The following VEGFD variants were observed in gnomAD, a reference collection of about 807,000 sequenced individuals.
VEGFD encodes the protein c-fos induced growth factor (vascular endothelial growth factor D).
In VEGFD, 26 loss-of-function variants were observed where a neutral mutation model predicts 28.0. The ratio of observed to expected loss-of-function variants is 0.93; its 90% confidence interval spans 0.68 to 1.29. The LOEUF (loss-of-function observed/expected upper bound fraction) is 1.29. Ranked by LOEUF, VEGFD falls within the 50% of genes most tolerant of loss-of-function variation. The pLI is 0.00. For missense variants in VEGFD, 294 were observed against 273.4 expected (o/e 1.08, Z -0.53); for synonymous variants, 93 against 95.5 (o/e 0.97, Z 0.15).
chrX:15,377,069 A>G (rs1019391495), intron 1 of VEGFD, among the ~76,000 whole-genome samples: 1 of 112,435 alleles, frequency 8.9e-6, no homozygotes, highest in African/African-American at 3.2e-5. Flanking sequence ...ATAAAAATTT[A>G]CATTACTAAA....
At chrX:15,364,100 A>G (rs1052124896) in intron 1 of VEGFD, among the ~76,000 whole-genome samples, 26 of 111,979 alleles carry the variant, frequency 2.3e-4, no homozygotes, top group Admixed American at 1.9e-3. Context: ...TGAGAAATTG[A>G]TCCACAAAGG....
intron 1 of VEGFD, among the ~76,000 whole-genome samples, chrX:15,373,773 T>C (rs980116385): frequency 1.8e-5 from 2 of 111,571 alleles, no homozygotes; most frequent in Non-Finnish European, 3.8e-5. Context: ...TCCCTCTACC[T>C]CTTAGCAGCT....
chrX:15,351,351 C>T (rs1922722254), intron 5 of VEGFD, among the ~76,000 whole-genome samples: 1 of 106,721 alleles, frequency 9.4e-6, no homozygotes, highest in African/African-American at 3.4e-5. Context: ...AATCTCCTGA[C>T]CTCGTGATCC....
In VEGFD at chrX:15,355,225, C is replaced by A; in HGVS notation, c.566G>T (p.Cys189Phe). The A allele has an allele frequency of 8.3e-7, 1 of 1,205,934 alleles. No individual in the cohort carries two copies. Among genetic ancestry groups the A allele is most frequent in the Non-Finnish European group, 1.1e-6 (1 of 892,823 alleles). The change falls in exon 4 of 7, where the codon TGT becomes TTT. Residue 189 changes from cysteine (C) to phenylalanine (F), a missense_variant. By Grantham distance (205) the Cys-to-Phe change is radical. Coordinates refer to ENST00000297904, the MANE Select transcript of VEGFD (RefSeq NM_004469.5). ...VPVKVANHTG[C>F]KCLPTAPRHP... ...GCGGGGGGCTGTTGGCAAGCACTTA[C>A]AACCTGTATGATTGGCAACTTTAAC...
At chrX:15,351,178 G>C (rs1186536995) in intron 5 of VEGFD, among the ~76,000 whole-genome samples, 3 of 83,499 alleles carry the variant, frequency 3.6e-5, no homozygotes, top group East Asian at 3.7e-4. Context: ...TGCAGTGGCG[G>C]GATCTCGGCT....
chrX:15,363,354 T>C (rs1923067502), intron 1 of VEGFD, 35 bp from the exon 2 acceptor site: 1 of 1,084,104 alleles, frequency 9.2e-7, no homozygotes, highest in Non-Finnish European at 1.3e-6. Context: ...TAAAAACAAG[T>C]TACTAAATTT....
At chrX:15,362,782 T>C (rs1489083159) in intron 2 of VEGFD, among the ~76,000 whole-genome samples, 2 of 111,384 alleles carry the variant, frequency 1.8e-5, no homozygotes, top group African/African-American at 3.3e-5. Flanking sequence ...ATCCCCAGGT[T>C]TTATTTTCTA....
At chrX:15,355,025 G>T in intron 4 of VEGFD, 125 bp downstream of exon 4, 1 of 606,003 alleles carries the variant, frequency 1.7e-6, no homozygotes, top group Non-Finnish European at 2.4e-6. Context: ...CAGGTTAGAA[G>T]CTAAAATATG....
chrX:15,363,245 T>A lies in VEGFD; in HGVS notation c.165A>T (p.Arg55=), dbSNP rs766816230. 2 of 1,211,302 alleles carry A rather than the reference T, an allele frequency of 1.7e-6. No homozygotes were observed. The highest frequency in any genetic ancestry group is 3.5e-5 in the South Asian group (2 of 56,973). ...RAASSLEELL[R]ITHSEDWKLW... is the part of the protein sequence containing the mutation. ...GCTTCCAGTCCTCAGAGTGAGTAATTCGAAGTAGTTCCTCCAAACTAGAAG... is the reference window on the plus strand; with the variant it reads ...GCTTCCAGTCCTCAGAGTGAGTAATACGAAGTAGTTCCTCCAAACTAGAAG... Residue 55 remains arginine, a synonymous_variant, in exon 2 of 7, where the codon CGA becomes CGT. Coordinates refer to ENST00000297904, the MANE Select transcript of VEGFD (RefSeq NM_004469.5).
At chrX:15,351,102 G>C (rs1325958578) in intron 5 of VEGFD, among the ~76,000 whole-genome samples, 1 of 81,551 alleles carries the variant, frequency 1.2e-5, no homozygotes, top group Non-Finnish European at 2.3e-5. Context: ...TGTTGGCCCG[G>C]CTGGTTTTCT....
chrX:15,371,128 C>A (rs899902354), intron 1 of VEGFD, among the ~76,000 whole-genome samples: 4 of 111,576 alleles, frequency 3.6e-5, no homozygotes, highest in African/African-American at 1.3e-4. Flanking sequence ...CAGGTGATGG[C>A]AATACTGTTG....
At chrX:15,379,959 T>C (rs1923529677) in intron 1 of VEGFD, among the ~76,000 whole-genome samples, 1 of 112,522 alleles carries the variant, frequency 8.9e-6, no homozygotes, top group Non-Finnish European at 1.9e-5. Flanking sequence ...GATTCTATTG[T>C]ATCCTGGGTA....
intron 1 of VEGFD, among the ~76,000 whole-genome samples, chrX:15,374,164 G>A (rs762361793): frequency 8.9e-6 from 1 of 112,432 alleles, no homozygotes; most frequent in Admixed American, 9.5e-5. Flanking sequence ...TGGAAAATGT[G>A]TTTGCAGTTT....
intron 6 of VEGFD, among the ~76,000 whole-genome samples, chrX:15,346,729 C>G (rs1410684284): frequency 9.0e-6 from 1 of 111,516 alleles, no homozygotes; most frequent in African/African-American, 3.3e-5. Flanking sequence ...GTCAGGAGAT[C>G]AAGACTATCC....
At chrX:15,375,701 G>C (rs1381399979) in intron 1 of VEGFD, among the ~76,000 whole-genome samples, 1 of 112,068 alleles carries the variant, frequency 8.9e-6, no homozygotes, top group Non-Finnish European at 1.9e-5. Flanking sequence ...AAAAGAGTGT[G>C]TGTGTGAATG....
At chrX:15,368,216 T>C (rs1306731451) in intron 1 of VEGFD, among the ~76,000 whole-genome samples, 1 of 111,121 alleles carries the variant, frequency 9.0e-6, no homozygotes, top group Non-Finnish European at 1.9e-5. Flanking sequence ...ATGTATGGTT[T>C]TATTATAGTT....
chrX:15,355,715 T>TG (rs763517644), intron 3 of VEGFD, among the ~76,000 whole-genome samples: 1 of 112,686 alleles, frequency 8.9e-6, no homozygotes, highest in Non-Finnish European at 1.9e-5. Context: ...TCACTTTCTT[T>TG]GGCTAGTGGG....
At chrX:15,368,062 G>A (rs768386628) in intron 1 of VEGFD, among the ~76,000 whole-genome samples, 4 of 71,404 alleles carry the variant, frequency 5.6e-5, no homozygotes, top group South Asian at 7.1e-4. Context: ...AGAAAGAAAG[G>A]AAAGAAAGAA....
At chrX:15,346,789 G>A (rs955597256) in intron 6 of VEGFD, among the ~76,000 whole-genome samples, 1 of 110,837 alleles carries the variant, frequency 9.0e-6, no homozygotes, top group Non-Finnish European at 1.9e-5. Context: ...AAATTAGCTG[G>A]GTGTGGTGGC....
Sources: allele counts gnomAD v4.1 joint callset (sites outside exome capture counted in the v4.1 genomes callset), GRCh38; gene constraint gnomAD v4.1.1; transcripts MANE v1.5; gene names NCBI Gene and HGNC (gene_info 2026-07-23, HGNC 2026-07-21).